Variants in DLG2 observed in about 807,000 individuals in gnomAD.
DLG2 encodes the protein disks large homolog 2.
Under a neutral mutation model 132.5 loss-of-function variants are expected in DLG2, and 45 were observed. The ratio of observed to expected loss-of-function variants is 0.34; its 90% CI spans 0.27 to 0.44. The LOEUF (loss-of-function observed/expected upper bound fraction) is 0.44, where lower values mean the gene tolerates loss of function less well. DLG2 is among the 20% of genes least tolerant of loss of function. The probability of loss-of-function intolerance (pLI) is 1.00; values close to 1 mark genes in which losing one functional copy is unlikely to be tolerated. For missense variants in DLG2, 1,045 were observed against 1,196.9 expected, an observed-to-expected ratio of 0.87 and a Z score of 1.87; for synonymous variants, 424 against 419.6, an observed-to-expected ratio of 1.01 and a Z score of -0.13.
At chr11:84,014,624 C>A (rs1412539783) in intron 11 of DLG2, among the ~76,000 whole-genome samples, 1 of 152,074 alleles carries the variant, frequency 6.6e-6, no homozygotes, top group Non-Finnish European at 1.5e-5. Context: ...ATCCTTGGGC[C>A]AACTATTACT....
intron 4 of DLG2, among the ~76,000 whole-genome samples, chr11:85,280,710 C>A (rs916576167): frequency 1.3e-5 from 2 of 151,842 alleles, no homozygotes; most frequent in African/African-American, 4.8e-5. Context: ...AGCTAAAAAT[C>A]AGTTATTATA....
chr11:84,950,226 C>T (rs2050744370), intron 6 of DLG2, among the ~76,000 whole-genome samples: 1 of 152,090 alleles, frequency 6.6e-6, no homozygotes, highest in Non-Finnish European at 1.5e-5. Context: ...TTCCTGATTT[C>T]TGGTAGATTT....
At chr11:85,563,165 G>A (rs2153224121) in intron 3 of DLG2, among the ~76,000 whole-genome samples, 1 of 151,808 alleles carries the variant, frequency 6.6e-6, no homozygotes, top group East Asian at 1.9e-4. Context: ...ACTTGAGCAA[G>A]CAGCTTTACC....
At chr11:85,381,947 A>G (rs1054448145) in intron 3 of DLG2, among the ~76,000 whole-genome samples, 3 of 152,292 alleles carry the variant, frequency 2.0e-5, no homozygotes, top group South Asian at 2.1e-4. Context: ...ACCTTTATCA[A>G]AATCCCAGCT....
chr11:84,604,246 G>C (rs979341734), intron 6 of DLG2, among the ~76,000 whole-genome samples: 9 of 151,922 alleles, frequency 5.9e-5, no homozygotes, highest in Admixed American at 5.3e-4. Flanking sequence ...ATAAGAAAAA[G>C]AAGAGCTCAG....
rs78851230 is a variant in DLG2, at chr11:84,616,658, A to G, written c.358-81927T>C. On this transcript the variant is annotated intron_variant, in intron 6 of 27. Transcript: ENST00000376104. ...TTGGCTGTACAGTCTTTGGTAAACC[A>G]CTTAGGCTCAGAATTAGCACCTCAT... Among the ~76,000 whole-genome samples the G allele has an allele frequency of 5.3e-4, 81 of 152,274 alleles. 1 individual carries two copies. In the East Asian group the frequency reaches 0.015, roughly 28 times the overall value.
chr11:83,898,920 CATTTT>C (rs1314575536), intron 15 of DLG2, among the ~76,000 whole-genome samples: 3 of 152,230 alleles, frequency 2.0e-5, no homozygotes, highest in African/African-American at 4.8e-5. Context: ...ATATTGTCCA[CATTTT>C]ATTTTAACAA....
intron 9 of DLG2, among the ~76,000 whole-genome samples, chr11:84,119,023 C>A (rs1455766676): frequency 6.6e-6 from 1 of 152,124 alleles, no homozygotes; most frequent in African/African-American, 2.4e-5. Flanking sequence ...GATAGACCAA[C>A]CTCCAGAGTA....
chr11:85,164,517 G>A (rs1198647857), intron 4 of DLG2, among the ~76,000 whole-genome samples: 1 of 151,984 alleles, frequency 6.6e-6, no homozygotes, highest in Non-Finnish European at 1.5e-5. Flanking sequence ...TGTCAATTAT[G>A]CTCTCATAGA....
chr11:84,766,902 G>A (rs1007092501), intron 6 of DLG2, among the ~76,000 whole-genome samples: 1 of 151,980 alleles, frequency 6.6e-6, no homozygotes, highest in Admixed American at 6.6e-5. Flanking sequence ...CTTACTTTTG[G>A]GGACACTTGA....
intron 3 of DLG2, among the ~76,000 whole-genome samples, chr11:85,406,167 G>C (rs2088710849): frequency 6.6e-6 from 1 of 151,632 alleles, no homozygotes; most frequent in Non-Finnish European, 1.5e-5. Flanking sequence ...TGAATGAAAA[G>C]TTTATTCAGG....
chr11:83,980,444 T>C, intron 12 of DLG2, 62 bp downstream of exon 12: 3 of 1,550,250 alleles, frequency 1.9e-6, no homozygotes. Context: ...ACAAAGACAG[T>C]CATACACTGG....
intron 6 of DLG2, among the ~76,000 whole-genome samples, chr11:84,730,273 G>A (rs982081997): frequency 2.0e-5 from 3 of 151,992 alleles, no homozygotes; most frequent in African/African-American, 7.2e-5. Flanking sequence ...AAAAAGGGGA[G>A]GAGGTTGTTG....
At chr11:85,301,063 T>C (rs951997465) in intron 3 of DLG2, among the ~76,000 whole-genome samples, 4 of 151,918 alleles carry the variant, frequency 2.6e-5, no homozygotes, top group African/African-American at 9.7e-5. Flanking sequence ...TAGCTGGGTG[T>C]GGTGGTGCAT....
chr11:83,834,727 C>T (rs1392401837), intron 16 of DLG2, among the ~76,000 whole-genome samples: 2 of 152,048 alleles, frequency 1.3e-5, no homozygotes, highest in African/African-American at 4.8e-5. Context: ...AAATCTTGAG[C>T]CAATAGTTCA....
intron 11 of DLG2, among the ~76,000 whole-genome samples, chr11:84,058,788 T>C (rs1008517984): frequency 1.3e-5 from 2 of 151,710 alleles, no homozygotes; most frequent in Non-Finnish European, 2.9e-5. Context: ...TCTCAAGAGA[T>C]ACGAGAACAT....
intron 18 of DLG2, among the ~76,000 whole-genome samples, chr11:83,734,385 TTCCTTCCTTCCTTCCTTCCTTC>T (rs1566753156): frequency 1.2e-4 from 17 of 136,738 alleles, no homozygotes; most frequent in African/African-American, 4.4e-4. Flanking sequence ...CCTTCCTTCC[TTCCTTCCTTCCTTCCTTCCTTC>T]CCTCCCTCCT....
chr11:85,431,716 G>A (rs1316929895), intron 3 of DLG2, among the ~76,000 whole-genome samples: 1 of 152,230 alleles, frequency 6.6e-6, no homozygotes, highest in Non-Finnish European at 1.5e-5. Context: ...CCATGAACCA[G>A]CAGACATAGT....
At chr11:83,502,321 G>A (rs2094481133) in intron 21 of DLG2, among the ~76,000 whole-genome samples, 1 of 152,052 alleles carries the variant, frequency 6.6e-6, no homozygotes, top group Non-Finnish European at 1.5e-5. Flanking sequence ...TCTATTATAC[G>A]ATACTACCTT....
Sources: allele counts gnomAD v4.1 joint callset (sites outside exome capture counted in the v4.1 genomes callset), GRCh38; gene constraint gnomAD v4.1.1; transcripts MANE v1.5; gene names NCBI Gene and HGNC (gene_info 2026-07-23, HGNC 2026-07-21).